Variants in C8orf34 observed in about 807,000 individuals in gnomAD.
The protein encoded by C8orf34 is uncharacterized protein C8orf34.
In C8orf34, 65 loss-of-function variants were observed where a neutral mutation model predicts 68.3. The ratio of observed to expected loss-of-function variants is 0.95; its 90% CI spans 0.78 to 1.17. The LOEUF is 1.17. C8orf34 is among the 50% of genes most tolerant of loss of function. The probability of loss-of-function intolerance (pLI) is 0.00; values close to 1 mark genes in which losing one functional copy is unlikely to be tolerated. For synonymous variants in C8orf34, 244 were observed against 241.2 expected (o/e 1.01, Z -0.11); for missense variants, 664 against 655.4 (o/e 1.01, Z -0.14).
chr8:68,439,864 C>A (rs963810488), intron 2 of C8orf34, among the ~76,000 whole-genome samples: 15 of 152,068 alleles, frequency 9.9e-5, no homozygotes, highest in African/African-American at 3.6e-4. Context: ...CAGCATTTTG[C>A]ATTTTAATAC....
chr8:68,738,802 C>G (rs1033958086), intron 10 of C8orf34, among the ~76,000 whole-genome samples: 1 of 151,808 alleles, frequency 6.6e-6, no homozygotes, highest in African/African-American at 2.4e-5. Context: ...AATAACCTAC[C>G]AACCAAAAAA....
intron 7 of C8orf34, among the ~76,000 whole-genome samples, chr8:68,632,813 C>T (rs1002144558): frequency 1.3e-5 from 2 of 152,114 alleles, no homozygotes; most frequent in South Asian, 2.1e-4. Flanking sequence ...ACAGCTTCCA[C>T]GTGGTGTTGG....
At chr8:68,485,251 TCTTG>T (rs1261505480) in intron 4 of C8orf34, among the ~76,000 whole-genome samples, 1 of 152,214 alleles carries the variant, frequency 6.6e-6, no homozygotes, top group Non-Finnish European at 1.5e-5. Flanking sequence ...ACTTGCCAGT[TCTTG>T]CTTCTTTCTG....
intron 11 of C8orf34, among the ~76,000 whole-genome samples, chr8:68,781,835 C>A (rs888341567): frequency 6.6e-6 from 1 of 152,060 alleles, no homozygotes; most frequent in Non-Finnish European, 1.5e-5. Flanking sequence ...CATATTTTAC[C>A]AAGCTAATGT....
chr8:68,343,199 G>A (rs1806141763), intron 1 of C8orf34, among the ~76,000 whole-genome samples: 1 of 152,132 alleles, frequency 6.6e-6, no homozygotes, highest in African/African-American at 2.4e-5. Flanking sequence ...TGGTAAATAA[G>A]CACATGAAAA....
At chr8:68,485,724 A>AAAAAAT (rs1554561965) in intron 4 of C8orf34, among the ~76,000 whole-genome samples, 6 of 147,200 alleles carry the variant, frequency 4.1e-5, no homozygotes, top group African/African-American at 1.2e-4. Flanking sequence ...AAAAAAATAA[A>AAAAAAT]AAATAAATAA....
At position 68,787,529 on chromosome 8, in the gene C8orf34, A is replaced by G; in HGVS notation, c.1542A>G (p.Gln514=). The G allele has an allele frequency of 3.1e-6, 5 of 1,607,630 alleles. No individual in the cohort carries two copies. In the East Asian group the frequency reaches 1.1e-4, roughly 36 times the overall value. ...DTESEGVEAE[Q]EKRSADLLLC... is the part of the protein sequence containing the mutation. ...AAAGTGAAGGAGTGGAAGCAGAACA[A>G]GAGAAACGTGAGTAGACACTATTGT... The change falls in exon 12 of 14, where the codon CAA becomes CAG. Residue 514 remains glutamine, a synonymous_variant. Transcript: ENST00000518698.
At chr8:68,378,198 C>G (rs1368013053) in intron 1 of C8orf34, among the ~76,000 whole-genome samples, 1 of 152,022 alleles carries the variant, frequency 6.6e-6, no homozygotes, top group Non-Finnish European at 1.5e-5. Flanking sequence ...TATTGAAAAC[C>G]CCATTTTCCA....
At chr8:68,505,913 T>A (rs1814000111) in intron 5 of C8orf34, among the ~76,000 whole-genome samples, 1 of 152,216 alleles carries the variant, frequency 6.6e-6, no homozygotes, top group African/African-American at 2.4e-5. Flanking sequence ...AAAGTTGTTA[T>A]GACTGTATCA....
chr8:68,487,778 C>T (rs964079706), intron 4 of C8orf34, among the ~76,000 whole-genome samples: 2 of 152,168 alleles, frequency 1.3e-5, no homozygotes, highest in South Asian at 2.1e-4. Flanking sequence ...AGGAATATGG[C>T]GCTGCTTTGT....
intron 12 of C8orf34, among the ~76,000 whole-genome samples, chr8:68,794,246 A>T (rs1232792998): frequency 4.6e-5 from 7 of 151,666 alleles, no homozygotes; most frequent in African/African-American, 9.7e-5. Flanking sequence ...ATCACAGCTC[A>T]CTGAAACCTC....
At chr8:68,761,997 C>T (rs763571611) in intron 10 of C8orf34, among the ~76,000 whole-genome samples, 1 of 152,228 alleles carries the variant, frequency 6.6e-6, no homozygotes, top group Non-Finnish European at 1.5e-5. Flanking sequence ...TTTTAAATCT[C>T]ACCATCACTG....
intron 7 of C8orf34, among the ~76,000 whole-genome samples, chr8:68,548,648 C>T (rs1289213868): frequency 6.6e-6 from 1 of 151,796 alleles, no homozygotes; most frequent in Non-Finnish European, 1.5e-5. Flanking sequence ...TTAATATCTA[C>T]TTGCTCTATG....
At chr8:68,815,824 T>C in intron 12 of C8orf34, 62 bp from the exon 13 acceptor site, 1 of 1,612,926 alleles carries the variant, frequency 6.2e-7, no homozygotes, top group East Asian at 2.2e-5. Context: ...CGCTAGGGAA[T>C]GGTATTTAAT....
At chr8:68,516,450 G>C (rs558879485) in intron 5 of C8orf34, among the ~76,000 whole-genome samples, 1 of 152,238 alleles carries the variant, frequency 6.6e-6, no homozygotes, top group South Asian at 2.1e-4. Context: ...CAAGTGCTGT[G>C]CTGAGAACCA....
intron 7 of C8orf34, among the ~76,000 whole-genome samples, chr8:68,606,329 G>A (rs1157656467): frequency 6.6e-6 from 1 of 152,000 alleles, no homozygotes; most frequent in Non-Finnish European, 1.5e-5. Flanking sequence ...CCCAGTGCCT[G>A]GAATAATGTA....
At chr8:68,390,269 GTC>G (rs1310551614) in intron 1 of C8orf34, among the ~76,000 whole-genome samples, 2 of 152,120 alleles carry the variant, frequency 1.3e-5, no homozygotes, top group Non-Finnish European at 2.9e-5. Flanking sequence ...TGGGTTGCAT[GTC>G]TGAGTTGAAT....
intron 7 of C8orf34, among the ~76,000 whole-genome samples, chr8:68,550,374 A>G (rs1483017262): frequency 6.6e-6 from 1 of 151,780 alleles, no homozygotes; most frequent in Non-Finnish European, 1.5e-5. Context: ...TTGTAATATC[A>G]AAATACTCCT....
At chr8:68,666,110 C>A (rs7013783) in intron 8 of C8orf34, among the ~76,000 whole-genome samples, 10,640 of 152,170 alleles carry the variant, frequency 0.07, 526 homozygotes, top group African/African-American at 0.13. Flanking sequence ...TTAATCCTGA[C>A]AGCATCAGAG....
Sources: allele counts gnomAD v4.1 joint callset (sites outside exome capture counted in the v4.1 genomes callset), GRCh38; gene constraint gnomAD v4.1.1; transcripts MANE v1.5; gene names NCBI Gene and HGNC (gene_info 2026-07-23, HGNC 2026-07-21).